STAC: variants seen among roughly 807,000 people sequenced by gnomAD.
STAC encodes SH3 and cysteine rich domain.
In STAC, 43 loss-of-function variants were observed where a neutral mutation model predicts 48.8. The observed-to-expected ratio is 0.88, with a 90% confidence interval of 0.69 to 1.14. The LOEUF (loss-of-function observed/expected upper bound fraction) is 1.14. STAC is among the 50% of genes most tolerant of loss of function. STAC has a pLI of 0.00. For synonymous variants in STAC, 193 were observed against 179.5 expected (o/e 1.07, Z -0.60); for missense variants, 497 against 504.0 (o/e 0.99, Z 0.13).
At chr3:36,388,895 G>A (rs553338872) in intron 1 of STAC, among the ~76,000 whole-genome samples, 2 of 151,928 alleles carry the variant, frequency 1.3e-5, no homozygotes, top group Non-Finnish European at 2.9e-5. Flanking sequence ...AATTTTTGTA[G>A]CTTAATAATA....
At chr3:36,451,081 C>T (rs1232155601) in intron 2 of STAC, among the ~76,000 whole-genome samples, 1 of 152,010 alleles carries the variant, frequency 6.6e-6, no homozygotes, top group African/African-American at 2.4e-5. Context: ...ATTTGGCTTT[C>T]CTTCTGTCTT....
At chr3:36,397,884 T>C (rs1699885413) in intron 1 of STAC, among the ~76,000 whole-genome samples, 1 of 151,856 alleles carries the variant, frequency 6.6e-6, no homozygotes, top group Non-Finnish European at 1.5e-5. Flanking sequence ...AGATTGCCGA[T>C]AGGATGACTT....
chr3:36,541,557 G>A (rs1575274225), intron 10 of STAC, among the ~76,000 whole-genome samples: 2 of 152,162 alleles, frequency 1.3e-5, no homozygotes, highest in Non-Finnish European at 2.9e-5. Context: ...ATGGATGTGT[G>A]ATCAGGAGTC....
At chr3:36,434,612 G>C (rs938640212) in intron 1 of STAC, among the ~76,000 whole-genome samples, 1 of 152,194 alleles carries the variant, frequency 6.6e-6, no homozygotes, top group African/African-American at 2.4e-5. Context: ...TATGGTGACT[G>C]TGCCTCCTAA....
Position 36,380,647 on chromosome 3 carries a change from A to AT in STAC, c.5dup (p.Pro4SerfsTer55). ...ACACCGTTCCCGCGCGGCCACGATGATCCCTCCGAGCAGCCCCCGCGAGGA... is the reference window on the plus strand; with the variant it reads ...ACACCGTTCCCGCGCGGCCACGATGATTCCCTCCGAGCAGCCCCCGCGAGGA... On this transcript the variant is annotated frameshift_variant, in exon 1 of 11. Transcript: ENST00000273183. LOFTEE classifies it high-confidence loss of function. 1 of 1,589,880 alleles carries AT rather than the reference A, an allele frequency of 6.3e-7. No homozygotes were observed. The highest frequency in any genetic ancestry group is 1.1e-5 in the South Asian group (1 of 87,446).
intron 5 of STAC, among the ~76,000 whole-genome samples, chr3:36,492,031 A>AAATAT (rs1553639882): frequency 4.9e-4 from 8 of 16,438 alleles, no homozygotes; most frequent in Non-Finnish European, 9.4e-4. Context: ...AAAAAAAAAA[A>AAATAT]ATATATATAT....
At chr3:36,420,186 G>C (rs1421376451) in intron 1 of STAC, among the ~76,000 whole-genome samples, 2 of 152,118 alleles carry the variant, frequency 1.3e-5, no homozygotes, top group African/African-American at 4.8e-5. Context: ...AATAATGATA[G>C]GACCTACCAG....
chr3:36,513,420 TA>T lies in STAC; in HGVS notation c.920+7590del, dbSNP rs531539709. ...CTCAATTCCTACTCTTCTCTTTGCC[TA>T]AAATCAACTGTATCTATCCCCACCT... On this transcript the variant is annotated intron_variant, in intron 8 of 10. Transcript: ENST00000273183. 7.9e-5 allele frequency among the ~76,000 whole-genome samples: 12 copies of T among 152,344 alleles called. No individual in the cohort carries two copies. In the South Asian group the frequency reaches 2.1e-3, roughly 26 times the overall value.
intron 2 of STAC, among the ~76,000 whole-genome samples, chr3:36,465,197 T>G (rs974051561): frequency 3.3e-5 from 5 of 152,224 alleles, no homozygotes. Context: ...TTGATTTGCA[T>G]TTCCCTGATA....
At position 36,443,720 on chromosome 3, in the gene STAC, C is replaced by A. The variant is rs568267389; in HGVS notation, c.388+80C>A. 2 of 1,534,224 alleles carry A rather than the reference C, an allele frequency of 1.3e-6. No individual in the cohort carries two copies. Among genetic ancestry groups the A allele is most frequent in the Non-Finnish European group, 1.8e-6 (2 of 1,132,974 alleles). ...GAGTGGTGTGCCACGGGTCCAGGTACCTACGGACAGATGCTAGGCCTCAGA... is the reference window on the plus strand; with the variant it reads ...GAGTGGTGTGCCACGGGTCCAGGTAACTACGGACAGATGCTAGGCCTCAGA... On this transcript the variant is annotated intron_variant, in intron 2 of 10. Coordinates refer to ENST00000273183, the MANE Select transcript of STAC (RefSeq NM_003149.3). This position sits in a 1 kb window ranked among gnomAD's most constrained non-coding sequence, Gnocchi z 4.2.
chr3:36,489,724 G>A (rs1559511246), intron 5 of STAC, among the ~76,000 whole-genome samples: 1 of 152,156 alleles, frequency 6.6e-6, no homozygotes. Flanking sequence ...GGAGAATTCT[G>A]TAACACTATA....
At chr3:36,489,990 G>C (rs1364443073) in intron 5 of STAC, among the ~76,000 whole-genome samples, 1 of 152,140 alleles carries the variant, frequency 6.6e-6, no homozygotes, top group Non-Finnish European at 1.5e-5. Context: ...TCTGATTTGG[G>C]GAGCCGAACG....
intron 1 of STAC, among the ~76,000 whole-genome samples, chr3:36,391,553 C>A (rs552809659): frequency 1.3e-5 from 2 of 152,282 alleles, no homozygotes; most frequent in South Asian, 4.1e-4. Context: ...TCAGCTGTCA[C>A]CCCGTTTCTT....
intron 8 of STAC, among the ~76,000 whole-genome samples, chr3:36,528,361 C>T (rs775005948): frequency 6.6e-6 from 1 of 151,516 alleles, no homozygotes; most frequent in Admixed American, 6.6e-5. Context: ...CCCAGCTACT[C>T]GGGAGGCTGA....
intron 8 of STAC, among the ~76,000 whole-genome samples, chr3:36,526,053 C>G (rs1475285958): frequency 6.6e-6 from 1 of 152,132 alleles, no homozygotes; most frequent in East Asian, 1.9e-4. Flanking sequence ...AACCAGAAAT[C>G]TTGGGAATTT....
chr3:36,543,848 C>T (rs1699383848), intron 10 of STAC, among the ~76,000 whole-genome samples: 1 of 152,200 alleles, frequency 6.6e-6, no homozygotes. Context: ...CACTCTTCCA[C>T]ATTACCACAA....
intron 2 of STAC, among the ~76,000 whole-genome samples, chr3:36,451,126 C>T (rs997417292): frequency 6.6e-6 from 1 of 151,974 alleles, no homozygotes; most frequent in Non-Finnish European, 1.5e-5. Flanking sequence ...TGTTTCCTTC[C>T]ATTTTGTGTG....
chr3:36,500,199 G>A (rs1698249804), intron 6 of STAC, among the ~76,000 whole-genome samples: 1 of 152,134 alleles, frequency 6.6e-6, no homozygotes, highest in African/African-American at 2.4e-5. Context: ...CATGTAACAA[G>A]TAGAAGATGC....
chr3:36,415,620 G>A (rs1700302827), intron 1 of STAC, among the ~76,000 whole-genome samples: 1 of 152,210 alleles, frequency 6.6e-6, no homozygotes, highest in African/African-American at 2.4e-5. Context: ...TGCACCCACT[G>A]TCCGGCACCC....
Sources: allele counts gnomAD v4.1 joint callset (sites outside exome capture counted in the v4.1 genomes callset), GRCh38; gene constraint gnomAD v4.1.1; non-coding constraint Gnocchi (gnomAD v3.1); transcripts MANE v1.5; gene names NCBI Gene and HGNC (gene_info 2026-07-23, HGNC 2026-07-21).